The following WDFY4 variants were observed in gnomAD, a reference collection of about 807,000 sequenced individuals.
The protein encoded by WDFY4 is WD repeat- and FYVE domain-containing protein 4.
WDFY4 carries 169 observed loss-of-function variants against 351.9 expected under a neutral mutation model. The ratio of observed to expected loss-of-function variants is 0.48; its 90% CI spans 0.42 to 0.55. WDFY4 has a LOEUF of 0.55. WDFY4 is among the 20% of genes least tolerant of loss of function. WDFY4 has a pLI of 0.00. For missense variants in WDFY4, 3,803 were observed against 3,935.6 expected, an observed-to-expected ratio of 0.97 and a Z score of 0.90; for synonymous variants, 1,622 against 1,574.6, an observed-to-expected ratio of 1.03 and a Z score of -0.71.
Position 48,957,110 on chromosome 10 carries a change from T to C in WDFY4, c.7978-19T>C. On this transcript the variant is annotated intron_variant, in intron 51 of 61. Transcript: ENST00000325239. ...GTGCCAGTGAGAGCGGCTGGTCATG[T>C]TGGCTCCATTTCCCCCAGGGCGGAA... is the stretch of plus-strand genomic sequence containing the variant. The C allele has an allele frequency of 1.3e-6, 2 of 1,544,938 alleles. No individual in the cohort carries two copies. The highest frequency in any genetic ancestry group is 1.8e-6 in the Non-Finnish European group (2 of 1,142,472).
In WDFY4 at chr10:48,957,868, C is replaced by T. The variant is rs372439593; in HGVS notation, c.8131+586C>T. Among the ~76,000 whole-genome samples, 267 of 152,292 alleles carry T rather than the reference C, an allele frequency of 1.8e-3. 5 individuals carry two copies. Among genetic ancestry groups the T allele is most frequent in the Non-Finnish European group, 1.9e-3 (129 of 68,032 alleles). ...TCTAGGAGACCACGGTGGGTAGCTC[C>T]CCTGGGGACTGTTTGTATGTCTCGG... On this transcript the variant is annotated intron_variant, in intron 52 of 61. Coordinates refer to ENST00000325239, the MANE Select transcript of WDFY4 (RefSeq NM_001394531.1).
At chr10:48,847,744 G>A (rs1421861451) in intron 39 of WDFY4, among the ~76,000 whole-genome samples, 1 of 152,142 alleles carries the variant, frequency 6.6e-6, no homozygotes, top group African/African-American at 2.4e-5. Context: ...CAATTTTAAA[G>A]GATTTGTCTT....
At chr10:48,870,816 C>G (rs554745323) in intron 40 of WDFY4, among the ~76,000 whole-genome samples, 2 of 152,216 alleles carry the variant, frequency 1.3e-5, no homozygotes, top group Non-Finnish European at 2.9e-5. Context: ...AATCACATCT[C>G]TCTCAGGGAT....
intron 28 of WDFY4, among the ~76,000 whole-genome samples, chr10:48,808,758 C>CA (rs1484578616): frequency 2.6e-5 from 4 of 152,138 alleles, no homozygotes; most frequent in Non-Finnish European, 5.9e-5. Flanking sequence ...TGAGATAGTC[C>CA]AGCCACTTTC....
At chr10:48,770,192 C>T (rs12572349) in intron 13 of WDFY4, among the ~76,000 whole-genome samples, 22,582 of 152,228 alleles carry the variant, frequency 0.15, 2,070 homozygotes, top group East Asian at 0.36. Context: ...TCCTCCATTA[C>T]GGGGTATTGA....
intron 1 of WDFY4, among the ~76,000 whole-genome samples, chr10:48,688,581 T>C (rs1322756183): frequency 6.6e-6 from 1 of 152,196 alleles, no homozygotes; most frequent in Non-Finnish European, 1.5e-5. Flanking sequence ...AAATACATTT[T>C]TGGACTGTTG....
chr10:48,901,852 C>A lies in WDFY4; in HGVS notation c.7575C>A (p.Thr2525=). 6.4e-7 allele frequency: 1 copy of A among 1,551,432 alleles called. No homozygotes were observed. Among genetic ancestry groups the A allele is most frequent in the East Asian group, 2.4e-5 (1 of 40,920 alleles). The stretch of plus-strand genomic sequence containing the variant: ...AGGGGAAAGCCACCTCGGAGGACAC[C>A]CTCAGTCTAAGGTAATGGCGGGTAG... ...SLKGKATSED[T]LSLRRYPGSD... The change falls in exon 47 of 62, where the codon ACC becomes ACA. Residue 2525 remains threonine (T), a synonymous_variant. Transcript: ENST00000325239.
intron 45 of WDFY4, among the ~76,000 whole-genome samples, chr10:48,898,715 GCTGCTTTTGCCT>G (rs1837211895): frequency 2.0e-5 from 3 of 152,120 alleles, no homozygotes; most frequent in Non-Finnish European, 4.4e-5. Flanking sequence ...TCCTCCCTCT[GCTGCTTTTGCCT>G]GCAACACAGT....
intron 12 of WDFY4, among the ~76,000 whole-genome samples, chr10:48,752,892 C>A (rs1174137975): frequency 1.3e-5 from 2 of 152,062 alleles, no homozygotes; most frequent in African/African-American, 4.8e-5. Context: ...TGAATATATA[C>A]CTAGGAGTAG....
At chr10:48,793,470 GTAT>G (rs2066748572) in intron 23 of WDFY4, among the ~76,000 whole-genome samples, 1 of 152,208 alleles carries the variant, frequency 6.6e-6, no homozygotes, top group Non-Finnish European at 1.5e-5. Flanking sequence ...TGAAGAAATA[GTAT>G]TATTTTGTTT....
At chr10:48,873,459 G>A (rs1201738588) in intron 40 of WDFY4, 32 bp from the exon 41 acceptor site, 1 of 1,511,500 alleles carries the variant, frequency 6.6e-7, no homozygotes, top group South Asian at 1.3e-5. Context: ...TAAGGCAAAT[G>A]TATCCAGGGT....
chr10:48,792,636 C>A (rs1177270838), intron 23 of WDFY4, among the ~76,000 whole-genome samples: 4 of 152,066 alleles, frequency 2.6e-5, no homozygotes, highest in African/African-American at 7.2e-5. Flanking sequence ...GTGACAATTT[C>A]TAAAAAGGCA....
intron 40 of WDFY4, among the ~76,000 whole-genome samples, chr10:48,868,775 G>C (rs1250504381): frequency 6.6e-6 from 1 of 152,174 alleles, no homozygotes; most frequent in Non-Finnish European, 1.5e-5. Flanking sequence ...AACCATTTCT[G>C]CTCCAATGGT....
Position 48,709,857 on chromosome 10 carries a change from C to A in WDFY4, c.125C>A (p.Ala42Asp), listed in dbSNP as rs1431207974. 2 of 1,551,916 alleles carry A rather than the reference C, an allele frequency of 1.3e-6. No individual in the cohort carries two copies. Among genetic ancestry groups the A allele is most frequent in the South Asian group, 2.4e-5 (2 of 84,066 alleles). The change falls in exon 2 of 62, where the codon GCT becomes GAT. Residue 42 changes from alanine (A) to aspartate (D), a missense_variant. By Grantham distance (126) the Ala-to-Asp change is moderately radical. Around this residue, in one of 3 missense-constraint regions of WDFY4, gnomAD observed 488 missense variants for 456.8 expected, o/e 1.07. Coordinates refer to ENST00000325239, the MANE Select transcript of WDFY4 (RefSeq NM_001394531.1). ...GGAGGGCAGTCCTCCAGCCCCACAG[C>A]TCTCTGGGACATGCTGGAAAGGAAG... ...PHGGQSSSPT[A>D]LWDMLERKFL...
chr10:48,776,100 C>T (rs954856048), intron 15 of WDFY4, among the ~76,000 whole-genome samples: 7 of 152,250 alleles, frequency 4.6e-5, no homozygotes, highest in Middle Eastern at 3.4e-3. Context: ...CAGTACGTGG[C>T]GCTGCACTAG....
intron 53 of WDFY4, among the ~76,000 whole-genome samples, chr10:48,962,303 T>C (rs1841894442): frequency 6.6e-6 from 1 of 152,190 alleles, no homozygotes; most frequent in African/African-American, 2.4e-5. Context: ...AAAGCCACTT[T>C]AATCATAGAC....
intron 10 of WDFY4, 100 bp downstream of exon 10, chr10:48,734,135 C>T (rs947795163): frequency 3.9e-6 from 4 of 1,029,388 alleles, no homozygotes; most frequent in African/African-American, 3.2e-5. Flanking sequence ...CAAGGAGTAA[C>T]CAATACACAG....
chr10:48,713,461 G>A (rs1011874072), intron 2 of WDFY4, among the ~76,000 whole-genome samples: 3 of 152,208 alleles, frequency 2.0e-5, no homozygotes, highest in Non-Finnish European at 2.9e-5. Flanking sequence ...TAACTGCTAG[G>A]CAAGTACAAA....
In WDFY4 at chr10:48,703,665, C is replaced by T. The variant is rs768954023; in HGVS notation, c.-17-6051C>T. Among the ~76,000 whole-genome samples the T allele has an allele frequency of 4.5e-4, 68 of 152,190 alleles. 1 individual carries two copies. Among genetic ancestry groups the T allele is most frequent in the Non-Finnish European group, 4.6e-4 (31 of 68,044 alleles). ...TAGCTCCAAGGGCGCTGCTAGATCA[C>T]ATCTCACATTCTGAGACTCCCAACT... On this transcript the variant is annotated intron_variant, in intron 1 of 61. Transcript: ENST00000325239.
Sources: gnomAD v4.1 joint callset for allele counts (sites outside exome capture counted in the v4.1 genomes callset) on GRCh38, gnomAD v4.1.1 for gene constraint, gnomAD v4.1.1 regional missense constraint, MANE v1.5 for transcripts, NCBI Gene and HGNC (gene_info 2026-07-23, HGNC 2026-07-21) for gene names.